The following HAPLN2 variants were observed in gnomAD, a reference collection of about 807,000 sequenced individuals.
The protein encoded by HAPLN2 is hyaluronan and proteoglycan link protein 2, also known as brain link protein-1.
Under a neutral mutation model 29.3 loss-of-function variants are expected in HAPLN2, and 27 were observed. That is an observed-to-expected ratio of 0.92 (90% CI 0.68 to 1.27). HAPLN2 has a LOEUF of 1.27. HAPLN2 is among the 50% of genes most tolerant of loss of function. The probability of loss-of-function intolerance (pLI) is 0.00; values close to 1 mark genes in which losing one functional copy is unlikely to be tolerated. For missense variants in HAPLN2, 454 were observed against 484.3 expected (o/e 0.94, Z 0.59); for synonymous variants, 208 against 211.7 (o/e 0.98, Z 0.15).
upstream of HAPLN2, chr1:156,614,601 T>A (rs1678018729): frequency 2.4e-5 from 3 of 126,866 alleles, no homozygotes; most frequent in Admixed American, 7.9e-5. Context: ...CTGGGTTTGT[T>A]TGACCAATAT....
chr1:156,609,093 G>A, the HAPLN2 span, among the ~76,000 whole-genome samples: 1 of 152,106 alleles, frequency 6.6e-6, no homozygotes, highest in East Asian at 1.9e-4. Flanking sequence ...GGTCTGAAGC[G>A]CTGAGTCTGA....
At chr1:156,601,571 A>G in the HAPLN2 span, 1 of 1,043,056 alleles carries the variant, frequency 9.6e-7, no homozygotes. Flanking sequence ...TGCGGAGCCC[A>G]ATTTGCCGGT....
At chr1:156,604,293 C>CTT in the HAPLN2 span, among the ~76,000 whole-genome samples, 38,348 of 146,880 alleles carry the variant, frequency 0.26, 5,266 homozygotes, top group South Asian at 0.5. Flanking sequence ...TTGAAGAATT[C>CTT]TTTTTTTTTT....
chr1:156,605,475 C>T, the HAPLN2 span, among the ~76,000 whole-genome samples: 2 of 150,874 alleles, frequency 1.3e-5, no homozygotes, highest in African/African-American at 4.9e-5. Flanking sequence ...TGACGTGCAC[C>T]TGTAATCCCA....
Position 156,623,953 on chromosome 1 carries a change from C to T in HAPLN2, c.232C>T (p.Leu78Phe). The change falls in exon 4 of 7, where the codon CTC becomes TTC. Residue 78 changes from leucine to phenylalanine, a missense_variant. Physicochemically the swap from Leu to Phe is conservative, Grantham distance 22 (BLOSUM62 0). Coordinates refer to ENST00000255039, the MANE Select transcript of HAPLN2 (RefSeq NM_021817.3). ...CTGGAGCAAGGTGGAGCCTGGGGAG[C>T]TCCGGGAAACGCTGATCCTCATCAC... ...VRWSKVEPGE[L>F]RETLILITNG... is the part of the protein sequence containing the mutation. The T allele has an allele frequency of 6.2e-7, 1 of 1,607,892 alleles. No homozygotes were observed. Among genetic ancestry groups the T allele is most frequent in the South Asian group, 1.1e-5 (1 of 90,048 alleles).
the HAPLN2 span, among the ~76,000 whole-genome samples, chr1:156,613,275 C>T: frequency 3.3e-5 from 5 of 152,126 alleles, no homozygotes; most frequent in African/African-American, 7.2e-5. Context: ...GGCTTGAACC[C>T]GGGAGGCAGA....
At chr1:156,610,414 G>A in the HAPLN2 span, among the ~76,000 whole-genome samples, 18 of 152,092 alleles carry the variant, frequency 1.2e-4, no homozygotes, top group African/African-American at 4.3e-4. Flanking sequence ...AAGGCAGACG[G>A]ATCACCTGAG....
intron 2 of HAPLN2, among the ~76,000 whole-genome samples, chr1:156,622,998 G>A (rs1369810276): frequency 6.9e-6 from 1 of 145,326 alleles, no homozygotes; most frequent in Non-Finnish European, 1.5e-5. Context: ...CATGCCACGG[G>A]ACTCCAGCCT....
intron 2 of HAPLN2, 64 bp from the exon 3 acceptor site, chr1:156,623,403 A>T (rs1039229587): frequency 7.9e-6 from 11 of 1,390,928 alleles, no homozygotes; most frequent in Non-Finnish European, 1.1e-5. Flanking sequence ...GTTCACCCAC[A>T]ACCCTGCTCT....
In HAPLN2 at chr1:156,625,248, C is replaced by G. The variant is rs747907383; in HGVS notation, c.887C>G (p.Ala296Gly). 2 of 1,573,736 alleles carry G rather than the reference C, an allele frequency of 1.3e-6. No homozygotes were observed. The highest frequency in any genetic ancestry group is 1.7e-6 in the Non-Finnish European group (2 of 1,160,784). The change falls in exon 7 of 7, where the codon GCT (alanine) becomes GGT (glycine). Residue 296 changes from alanine (A) to glycine (G), a missense_variant. This residue lies in a region of HAPLN2 where 235 missense variants were observed against 236.9 expected (regional missense o/e 0.99). Transcript: ENST00000255039. The surrounding 1 kb of genome is among the most constrained non-coding windows in gnomAD (Gnocchi z 5.7). ...GLDQCDGGWLADGSVRFPITT... is the reference protein window; with the variant it reads ...GLDQCDGGWLGDGSVRFPITT... ...GACCAGTGCGACGGCGGCTGGCTGG[C>G]TGACGGCAGTGTGCGCTTCCCAATC...
intron 6 of HAPLN2, 109 bp from the exon 7 acceptor site, chr1:156,624,992 A>G (rs1678400229): frequency 1.5e-6 from 2 of 1,350,394 alleles, no homozygotes; most frequent in Non-Finnish European, 2.0e-6. Context: ...CTCTTACCCA[A>G]GCTCGATCCA....
At position 156,625,203 on chromosome 1, in the gene HAPLN2, C is replaced by T; in HGVS notation, c.842C>T (p.Ala281Val). The T allele has an allele frequency of 6.4e-7, 1 of 1,557,546 alleles. No individual in the cohort carries two copies. Among genetic ancestry groups the T allele is most frequent in the Non-Finnish European group, 8.7e-7 (1 of 1,152,100 alleles). Residue 281 changes from alanine to valine, a missense_variant, in exon 7 of 7, where the codon GCC becomes GTC. By Grantham distance (64) the Ala-to-Val change is moderately conservative (BLOSUM62 0). This residue lies in a region of HAPLN2 where 235 missense variants were observed against 236.9 expected (regional missense o/e 0.99). Transcript: ENST00000255039. This position sits in a 1 kb window ranked among gnomAD's most constrained non-coding sequence, Gnocchi z 5.7. Reference sequence around the variant, plus strand: ...GCCAAGGTTGGGCACCTCTACGCCGCCTGGAAGTTTTCGGGGCTAGACCAG... The same window carrying T: ...GCCAAGGTTGGGCACCTCTACGCCGTCTGGAAGTTTTCGGGGCTAGACCAG... ...VVAKVGHLYA[A>V]WKFSGLDQCD...
rs767304024 is a variant in HAPLN2, at chr1:156,625,345, A to G, written c.984A>G (p.Gln328=). ...GVRSFGFPRP[Q]QAAYGTYCYA... is the part of the protein sequence containing the mutation. ...GCAGTTTCGGCTTCCCCAGGCCCCAACAGGCAGCCTATGGGACCTACTGCT... is the reference window on the plus strand; with the variant it reads ...GCAGTTTCGGCTTCCCCAGGCCCCAGCAGGCAGCCTATGGGACCTACTGCT... The change falls in exon 7 of 7, where the codon CAA becomes CAG. Residue 328 remains glutamine, a synonymous_variant. Coordinates refer to ENST00000255039, the MANE Select transcript of HAPLN2 (RefSeq NM_021817.3). The surrounding 1 kb of genome is among the most constrained non-coding windows in gnomAD (Gnocchi z 5.7). 6.9e-6 allele frequency: 11 copies of G among 1,602,004 alleles called. No homozygotes were observed. The highest frequency in any genetic ancestry group is 1.3e-5 in the African/African-American group (1 of 74,668).
chr1:156,618,035 G>A (rs1183615343), upstream of HAPLN2, among the ~76,000 whole-genome samples: 1 of 152,052 alleles, frequency 6.6e-6, no homozygotes. Flanking sequence ...GGTGGCTCAC[G>A]CCTGTAATCC....
chr1:156,601,991 T>C, the HAPLN2 span, among the ~76,000 whole-genome samples: 44 of 152,060 alleles, frequency 2.9e-4, no homozygotes, highest in South Asian at 8.5e-3. Flanking sequence ...TTGAGGGCAG[T>C]GGCGCGATAT....
At chr1:156,615,904 T>C (rs139681346), upstream of HAPLN2, among the ~76,000 whole-genome samples, 2 of 144,046 alleles carry the variant, frequency 1.4e-5, no homozygotes, top group Non-Finnish European at 3.0e-5. Context: ...TTAGAGATCC[T>C]ATCTCTTAAA....
At chr1:156,616,579 T>G (rs1157780541), upstream of HAPLN2, among the ~76,000 whole-genome samples, 2 of 152,198 alleles carry the variant, frequency 1.3e-5, no homozygotes, top group Non-Finnish European at 2.9e-5. Context: ...GTGGCCAGGC[T>G]GTGGAGCCAT....
intron 2 of HAPLN2, among the ~76,000 whole-genome samples, chr1:156,621,638 C>T (rs1002369186): frequency 4.6e-5 from 7 of 150,758 alleles, no homozygotes; most frequent in African/African-American, 7.3e-5. Flanking sequence ...TCAGGAGAAT[C>T]GCTTGAACCC....
the HAPLN2 span, among the ~76,000 whole-genome samples, chr1:156,611,926 C>T: frequency 6.6e-5 from 10 of 152,200 alleles, no homozygotes; most frequent in African/African-American, 2.4e-4. Flanking sequence ...GAACTTAACC[C>T]CTACTCCATA....
Sources: gnomAD v4.1 joint callset for allele counts (sites outside exome capture counted in the v4.1 genomes callset) on GRCh38, gnomAD v4.1.1 for gene constraint, gnomAD v4.1.1 regional missense constraint, Gnocchi (gnomAD v3.1) non-coding constraint, MANE v1.5 for transcripts, NCBI Gene and HGNC (gene_info 2026-07-23, HGNC 2026-07-21) for gene names.